Variants in WDPCP observed in about 807,000 individuals in gnomAD.
WDPCP encodes WD repeat containing planar cell polarity effector, also known as WD repeat-containing and planar cell polarity effector protein fritz homolog.
A neutral mutation model predicts 93.1 loss-of-function variants in WDPCP; 71 were observed. That is an observed-to-expected ratio of 0.76 (90% confidence interval 0.63 to 0.93). The LOEUF (loss-of-function observed/expected upper bound fraction) is 0.93, where lower values mean the gene tolerates loss of function less well. WDPCP is among the 40% of genes least tolerant of loss of function. The probability of loss-of-function intolerance (pLI) is 0.00; values close to 1 mark genes in which losing one functional copy is unlikely to be tolerated. For missense variants in WDPCP, 844 were observed against 887.4 expected, an observed-to-expected ratio of 0.95 and a Z score of 0.62; for synonymous variants, 315 against 315.0, an observed-to-expected ratio of 1.00 and a Z score of 0.00.
intron 12 of WDPCP, among the ~76,000 whole-genome samples, chr2:63,368,328 T>G (rs1691099756): frequency 6.8e-6 from 1 of 147,672 alleles, no homozygotes; most frequent in African/African-American, 2.6e-5. Flanking sequence ...ATTTATTTAT[T>G]TATTTATTTA....
At chr2:63,258,631 T>C (rs541119959) in intron 14 of WDPCP, among the ~76,000 whole-genome samples, 1 of 152,154 alleles carries the variant, frequency 6.6e-6, no homozygotes, top group Non-Finnish European at 1.5e-5. Flanking sequence ...TTGCCTACTT[T>C]AGGAATAATA....
At chr2:63,726,289 A>G (rs988647370) in intron 2 of WDPCP, among the ~76,000 whole-genome samples, 3 of 152,216 alleles carry the variant, frequency 2.0e-5, no homozygotes, top group African/African-American at 4.8e-5. Flanking sequence ...TGACAGCACC[A>G]TTTATTGAAT....
At chr2:63,805,147 G>A (rs1425676899) in intron 2 of WDPCP, among the ~76,000 whole-genome samples, 1 of 152,172 alleles carries the variant, frequency 6.6e-6, no homozygotes, top group Non-Finnish European at 1.5e-5. Context: ...CTCCCTTATA[G>A]AAAGAAAAGC....
chr2:63,530,598 T>C (rs1703753994), intron 1 of WDPCP, among the ~76,000 whole-genome samples: 1 of 152,224 alleles, frequency 6.6e-6, no homozygotes, highest in South Asian at 2.1e-4. Context: ...AAAATGTTGA[T>C]ACCTCAGCTA....
intron 1 of WDPCP, among the ~76,000 whole-genome samples, chr2:63,583,191 CTA>C (rs1488653068): frequency 2.6e-5 from 4 of 152,070 alleles, no homozygotes; most frequent in Admixed American, 2.6e-4. Context: ...TGAAAATACA[CTA>C]TGATAAAGGA....
At chr2:63,391,513 T>C (rs1693245134) in intron 10 of WDPCP, among the ~76,000 whole-genome samples, 1 of 152,092 alleles carries the variant, frequency 6.6e-6, no homozygotes, top group African/African-American at 2.4e-5. Context: ...ACCACTCCTA[T>C]TCAACATATT....
chr2:63,757,540 G>C (rs1157383672), intron 2 of WDPCP, among the ~76,000 whole-genome samples: 3 of 152,136 alleles, frequency 2.0e-5, no homozygotes, highest in African/African-American at 7.2e-5. Flanking sequence ...GGACTTTGGG[G>C]CTTTCTCCCT....
At chr2:63,587,321 G>A (rs980128008) in intron 1 of WDPCP, among the ~76,000 whole-genome samples, 31 of 152,074 alleles carry the variant, frequency 2.0e-4, no homozygotes, top group African/African-American at 7.5e-4. Flanking sequence ...TAGAAACTCC[G>A]CAGAACTGAG....
At chr2:63,227,631 G>T (rs980355962) in intron 14 of WDPCP, among the ~76,000 whole-genome samples, 4 of 151,970 alleles carry the variant, frequency 2.6e-5, no homozygotes, top group African/African-American at 9.7e-5. Context: ...AGTCAAACAG[G>T]CATGGTTTCA....
At chr2:63,766,513 A>G (rs1670142149) in intron 2 of WDPCP, among the ~76,000 whole-genome samples, 1 of 151,822 alleles carries the variant, frequency 6.6e-6, no homozygotes, top group African/African-American at 2.4e-5. Flanking sequence ...TTTTTTGACA[A>G]TAGGATTATG....
At chr2:63,278,054 A>G (rs1575043685) in intron 13 of WDPCP, among the ~76,000 whole-genome samples, 1 of 152,222 alleles carries the variant, frequency 6.6e-6, no homozygotes, top group South Asian at 2.1e-4. Flanking sequence ...CCTAAATTCT[A>G]TCAAGTACTT....
chr2:63,487,143 T>A (rs1558699864), intron 3 of WDPCP, among the ~76,000 whole-genome samples: 1 of 152,048 alleles, frequency 6.6e-6, no homozygotes, highest in Non-Finnish European at 1.5e-5. Flanking sequence ...GTAGGACCCA[T>A]GCATTAACAA....
At chr2:63,227,769 C>T (rs1293606715) in intron 14 of WDPCP, among the ~76,000 whole-genome samples, 1 of 152,048 alleles carries the variant, frequency 6.6e-6, no homozygotes, top group Non-Finnish European at 1.5e-5. Flanking sequence ...TTGCAAATAG[C>T]ATGTGCTAAT....
chr2:63,462,054 T>C (rs1271934349), intron 6 of WDPCP, among the ~76,000 whole-genome samples: 1 of 152,340 alleles, frequency 6.6e-6, no homozygotes, highest in South Asian at 2.1e-4. Flanking sequence ...TGCACACATA[T>C]GTTTACTGCG....
At chr2:63,139,939 G>C (rs1256974653) in intron 17 of WDPCP, among the ~76,000 whole-genome samples, 1 of 152,128 alleles carries the variant, frequency 6.6e-6, no homozygotes, top group East Asian at 1.9e-4. Context: ...AATTTTTATA[G>C]TTTCACGACT....
intron 14 of WDPCP, among the ~76,000 whole-genome samples, chr2:63,251,634 G>T (rs1421264829): frequency 6.6e-6 from 1 of 151,636 alleles, no homozygotes; most frequent in African/African-American, 2.4e-5. Context: ...TGGGACTACA[G>T]TCACTCACCA....
intron 2 of WDPCP, among the ~76,000 whole-genome samples, chr2:63,780,666 G>A (rs574463639): frequency 2.0e-5 from 3 of 152,234 alleles, no homozygotes; most frequent in Admixed American, 1.3e-4. Context: ...CAGCCCACAC[G>A]GTCTGATTCA....
At chr2:63,552,549 CA>C (rs1199583007) in intron 1 of WDPCP, among the ~76,000 whole-genome samples, 1 of 151,938 alleles carries the variant, frequency 6.6e-6, no homozygotes, top group African/African-American at 2.4e-5. Flanking sequence ...CTTTTAAATG[CA>C]GGGGGTACAT....
At chr2:63,491,294 C>T (rs1700862150) in intron 2 of WDPCP, among the ~76,000 whole-genome samples, 1 of 152,044 alleles carries the variant, frequency 6.6e-6, no homozygotes, top group African/African-American at 2.4e-5. Context: ...TGAAGATATT[C>T]CTCAAATATC....
Sources: allele counts gnomAD v4.1 joint callset (sites outside exome capture counted in the v4.1 genomes callset), GRCh38; gene constraint gnomAD v4.1.1; transcripts MANE v1.5; gene names NCBI Gene and HGNC (gene_info 2026-07-23, HGNC 2026-07-21).